The following SPOCK1 variants were observed in gnomAD, a reference collection of about 807,000 sequenced individuals.
The protein encoded by SPOCK1 is SPARC (osteonectin), cwcv and kazal like domains proteoglycan 1.
In SPOCK1, 23 loss-of-function variants were observed where a neutral mutation model predicts 55.3. That is an observed-to-expected ratio of 0.42 (90% confidence interval 0.30 to 0.59). The LOEUF (loss-of-function observed/expected upper bound fraction) is 0.59, where lower values mean the gene tolerates loss of function less well. SPOCK1 is among the 20% of genes least tolerant of loss of function. The pLI, the probability that SPOCK1 is intolerant of heterozygous loss-of-function variation, is 0.22. For missense variants in SPOCK1, 499 were observed against 552.5 expected, an observed-to-expected ratio of 0.90 and a Z score of 0.97; for synonymous variants, 226 against 221.0, an observed-to-expected ratio of 1.02 and a Z score of -0.20.
chr5:137,070,269 A>C (rs979004144), intron 5 of SPOCK1, among the ~76,000 whole-genome samples: 2 of 152,248 alleles, frequency 1.3e-5, no homozygotes, highest in African/African-American at 4.8e-5. Flanking sequence ...CTAACGCACA[A>C]TGTGAACACG....
At chr5:137,460,548 G>A (rs1753465334) in intron 2 of SPOCK1, among the ~76,000 whole-genome samples, 1 of 152,172 alleles carries the variant, frequency 6.6e-6, no homozygotes, top group Non-Finnish European at 1.5e-5. Context: ...TGCAGGCCAG[G>A]CTCCAGGATG....
At position 137,397,404 on chromosome 5, in the gene SPOCK1, C is replaced by T. The variant is rs112838757; in HGVS notation, c.186+100969G>A. Among the ~76,000 whole-genome samples the T allele has an allele frequency of 9.5e-3, 1,444 of 152,276 alleles. 18 individuals carry two copies. Among genetic ancestry groups the T allele is most frequent in the African/African-American group, 0.033 (1,355 of 41,530 alleles). ...GATCGTAGTTTTTATTTCTATCAAA[C>T]AGAGCTTTCCAGCTTTACCTTCCTA... On this transcript the variant is annotated intron_variant, in intron 2 of 10. Coordinates refer to ENST00000394945, the MANE Select transcript of SPOCK1 (RefSeq NM_004598.4).
At chr5:137,481,688 C>A (rs1334430919) in intron 2 of SPOCK1, among the ~76,000 whole-genome samples, 4 of 152,172 alleles carry the variant, frequency 2.6e-5, no homozygotes, top group African/African-American at 9.7e-5. Context: ...GTGTCAAGGT[C>A]TCTTGTTGGA....
At chr5:137,158,281 G>T (rs1361189158) in intron 3 of SPOCK1, among the ~76,000 whole-genome samples, 1 of 152,194 alleles carries the variant, frequency 6.6e-6, no homozygotes, top group African/African-American at 2.4e-5. Context: ...GGTTCCTGCT[G>T]TCTAGCCTTT....
intron 2 of SPOCK1, among the ~76,000 whole-genome samples, chr5:137,494,004 T>C (rs1754245742): frequency 6.6e-6 from 1 of 152,164 alleles, no homozygotes; most frequent in Non-Finnish European, 1.5e-5. Flanking sequence ...GTCCTTGTGC[T>C]CTTATTAGAA....
intron 3 of SPOCK1, among the ~76,000 whole-genome samples, chr5:137,239,026 C>T (rs1756235172): frequency 6.6e-6 from 1 of 152,266 alleles, no homozygotes; most frequent in African/African-American, 2.4e-5. Context: ...TGAGTTTATG[C>T]TAATGAAATG....
chr5:137,296,821 A>G (rs1267547266), intron 2 of SPOCK1, among the ~76,000 whole-genome samples: 1 of 152,204 alleles, frequency 6.6e-6, no homozygotes, highest in Non-Finnish European at 1.5e-5. Flanking sequence ...TGGGATTTGA[A>G]GAAGCCCATG....
chr5:136,988,820 TTGTTTTTAAGTGAAA>T, intron 7 of SPOCK1, 177 bp from the exon 8 acceptor site: 1 of 547,898 alleles, frequency 1.8e-6, no homozygotes, highest in East Asian at 2.9e-5. Flanking sequence ...TTTTTTTGTT[TTGTTTTTAAGTGAAA>T]TGGTTTAAAA....
chr5:137,003,687 C>A (rs1036201248), intron 6 of SPOCK1, among the ~76,000 whole-genome samples: 1 of 152,104 alleles, frequency 6.6e-6, no homozygotes. Flanking sequence ...TATTATTGAA[C>A]AATTTTAATT....
At chr5:137,016,066 G>A (rs1272239022) in intron 6 of SPOCK1, among the ~76,000 whole-genome samples, 1 of 152,138 alleles carries the variant, frequency 6.6e-6, no homozygotes, top group African/African-American at 2.4e-5. Context: ...GCAGAAGAAG[G>A]AGAAGGCCTA....
chr5:137,384,606 G>T (rs1056997701), intron 2 of SPOCK1, among the ~76,000 whole-genome samples: 5 of 144,452 alleles, frequency 3.5e-5, no homozygotes, highest in African/African-American at 1.4e-4. Flanking sequence ...CCCCCTGGAG[G>T]CCAGAAGCTC....
At chr5:136,987,492 A>C (rs1750866931) in intron 8 of SPOCK1, among the ~76,000 whole-genome samples, 1 of 152,190 alleles carries the variant, frequency 6.6e-6, no homozygotes, top group Admixed American at 6.5e-5. Context: ...GAAAGTAAAA[A>C]TTGTTACCAC....
chr5:137,129,752 G>A (rs1218600530), intron 4 of SPOCK1, among the ~76,000 whole-genome samples: 1 of 152,176 alleles, frequency 6.6e-6, no homozygotes, highest in Admixed American at 6.5e-5. Context: ...AGATAGAATA[G>A]GGAAAGTCAC....
chr5:137,444,289 T>C (rs1321760532), intron 2 of SPOCK1, among the ~76,000 whole-genome samples: 1 of 152,172 alleles, frequency 6.6e-6, no homozygotes, highest in Non-Finnish European at 1.5e-5. Context: ...CCCTGTGATG[T>C]CTTTCTGCTC....
At chr5:137,152,080 C>G (rs1182313525) in intron 3 of SPOCK1, among the ~76,000 whole-genome samples, 3 of 152,162 alleles carry the variant, frequency 2.0e-5, no homozygotes, top group Admixed American at 2.0e-4. Flanking sequence ...TTGATTGGAG[C>G]TGAAGTTTCT....
At chr5:137,446,462 T>G (rs987661496) in intron 2 of SPOCK1, among the ~76,000 whole-genome samples, 2 of 152,086 alleles carry the variant, frequency 1.3e-5, no homozygotes, top group African/African-American at 4.8e-5. Flanking sequence ...AGTCTTCCCT[T>G]TGGTCTCAGC....
chr5:137,469,228 T>A (rs1347547585), intron 2 of SPOCK1, among the ~76,000 whole-genome samples: 3 of 152,178 alleles, frequency 2.0e-5, no homozygotes, highest in Middle Eastern at 3.2e-3. Context: ...ATACAAAGGA[T>A]GTTAGGATTT....
chr5:137,361,510 T>C (rs1750943997), intron 2 of SPOCK1, among the ~76,000 whole-genome samples: 1 of 152,120 alleles, frequency 6.6e-6, no homozygotes. Context: ...TTTTAAAGAA[T>C]ATCAGACACT....
At chr5:137,356,359 G>T (rs1196244329) in intron 2 of SPOCK1, among the ~76,000 whole-genome samples, 2 of 152,144 alleles carry the variant, frequency 1.3e-5, no homozygotes, top group African/African-American at 4.8e-5. Flanking sequence ...TTGCCATCTG[G>T]ACATTTAGGA....
Sources: allele counts gnomAD v4.1 joint callset (sites outside exome capture counted in the v4.1 genomes callset), GRCh38; gene constraint gnomAD v4.1.1; transcripts MANE v1.5; gene names NCBI Gene and HGNC (gene_info 2026-07-23, HGNC 2026-07-21).